Variants in SLC16A1 observed in about 807,000 individuals in gnomAD.
SLC16A1 encodes monocarboxylate transporter 1.
In SLC16A1, 11 loss-of-function variants were observed where a neutral mutation model predicts 32.2. That is an observed-to-expected ratio of 0.34 (90% CI 0.21 to 0.56). The LOEUF (loss-of-function observed/expected upper bound fraction) is 0.56, where lower values mean the gene tolerates loss of function less well. Among genes scored for constraint, SLC16A1 ranks in the 20% least tolerant of loss-of-function variants. SLC16A1 has a pLI of 0.87. For missense variants in SLC16A1, 435 were observed against 615.0 expected (o/e 0.71, Z 3.10); for synonymous variants, 231 against 226.8 (o/e 1.02, Z -0.17).
At chr1:112,930,767 C>T (rs558512992) in intron 1 of SLC16A1, among the ~76,000 whole-genome samples, 60 of 151,012 alleles carry the variant, frequency 4.0e-4, no homozygotes, top group Middle Eastern at 3.4e-3. Flanking sequence ...CTCTGTCGCC[C>T]GGGCTGGAGT....
At chr1:112,915,267 A>G (rs991402983) in intron 4 of SLC16A1, among the ~76,000 whole-genome samples, 3 of 152,190 alleles carry the variant, frequency 2.0e-5, no homozygotes, top group Non-Finnish European at 2.9e-5. Context: ...AGCTTTCCTT[A>G]AAGTGTCAAC....
intron 1 of SLC16A1, among the ~76,000 whole-genome samples, chr1:112,943,062 A>ATT (rs1649564848): frequency 6.6e-6 from 1 of 152,244 alleles, no homozygotes. Context: ...CCTTGTAAGA[A>ATT]AATGACTTAC....
At chr1:112,935,921 C>T (rs1649286926) in intron 1 of SLC16A1, 1 of 152,210 alleles carries the variant, frequency 6.6e-6, no homozygotes, top group African/African-American at 2.4e-5. Flanking sequence ...GCTATCTACT[C>T]TCTTACTCTC....
intron 2 of SLC16A1, among the ~76,000 whole-genome samples, chr1:112,927,327 G>A (rs1271134367): frequency 2.7e-5 from 4 of 149,018 alleles, no homozygotes; most frequent in Non-Finnish European, 5.9e-5. Flanking sequence ...CAAACCAAAA[G>A]TAGGCAGGTA....
At chr1:112,939,702 A>G (rs985002368) in intron 1 of SLC16A1, among the ~76,000 whole-genome samples, 2 of 152,010 alleles carry the variant, frequency 1.3e-5, no homozygotes, top group Admixed American at 6.6e-5. Context: ...AAGGGGTTTC[A>G]CCATGTTGGC....
intron 1 of SLC16A1, among the ~76,000 whole-genome samples, chr1:112,952,705 GT>G (rs1175609116): frequency 6.6e-6 from 1 of 152,096 alleles, no homozygotes; most frequent in Non-Finnish European, 1.5e-5. Flanking sequence ...AACTCTTTGT[GT>G]TTTGAAATTT....
Position 112,929,269 on chromosome 1 carries a change from G to T in SLC16A1, c.40C>A (p.Pro14Thr), listed in dbSNP as rs751574145. 10 of 1,614,032 alleles carry T rather than the reference G, an allele frequency of 6.2e-6. No homozygotes were observed. The highest frequency in any genetic ancestry group is 2.2e-5 in the South Asian group (2 of 91,076). ...ACTGCCCAGCCCCAGCCTCCATCTG[G>T]GGGGGTGTATCCAACTGGACCTCCA... ...AVGGPVGYTPPDGGWGWAVVI... is the reference protein window; with the variant it reads ...AVGGPVGYTPTDGGWGWAVVI... The change falls in exon 2 of 5, where the codon CCA (proline) becomes ACA (threonine). Residue 14 changes from proline (P) to threonine (T), a missense_variant. Coordinates refer to ENST00000369626, the MANE Select transcript of SLC16A1 (RefSeq NM_003051.4).
intron 1 of SLC16A1, among the ~76,000 whole-genome samples, chr1:112,931,133 G>A (rs769869557): frequency 6.6e-6 from 1 of 151,860 alleles, no homozygotes; most frequent in Non-Finnish European, 1.5e-5. Flanking sequence ...CTAGGAAGTG[G>A]GTGCCTGACT....
Position 112,917,035 on chromosome 1 carries a change from G to A in SLC16A1, c.1228+143C>T. On this transcript the variant is annotated intron_variant, in intron 4 of 4. Coordinates refer to ENST00000369626, the MANE Select transcript of SLC16A1 (RefSeq NM_003051.4). This position sits in a 1 kb window ranked among gnomAD's most constrained non-coding sequence, Gnocchi z 4.1. ...TATTTGAGCAATTATGCTGTGCCAA[G>A]CATTGTCCCAGCATCAAGGGTACAT... 1.9e-6 allele frequency: 2 copies of A among 1,031,032 alleles called. No individual in the cohort carries two copies. The highest frequency in any genetic ancestry group is 1.4e-5 in the South Asian group (1 of 73,122). The allele number at this position is 1,031,032 out of a possible 1,614,324, so 63.9% of individuals were successfully genotyped here.
At chr1:112,925,654 T>A (rs945307433) in intron 2 of SLC16A1, among the ~76,000 whole-genome samples, 2 of 151,906 alleles carry the variant, frequency 1.3e-5, no homozygotes, top group Non-Finnish European at 2.9e-5. Flanking sequence ...GCTGGGATTA[T>A]AGGTGTGAGC....
chr1:112,931,151 T>C (rs1294198356), intron 1 of SLC16A1, among the ~76,000 whole-genome samples: 2 of 152,160 alleles, frequency 1.3e-5, no homozygotes, highest in Non-Finnish European at 2.9e-5. Flanking sequence ...ACTCACTAGA[T>C]ATGTAGCAAT....
At chr1:112,928,839 T>C (rs1047980796) in intron 2 of SLC16A1, among the ~76,000 whole-genome samples, 6 of 152,206 alleles carry the variant, frequency 3.9e-5, no homozygotes, top group African/African-American at 1.4e-4. Context: ...TTAAACTCAA[T>C]GATACATCAG....
At chr1:112,952,705 G>C (rs1236903418) in intron 1 of SLC16A1, among the ~76,000 whole-genome samples, 1 of 152,096 alleles carries the variant, frequency 6.6e-6, no homozygotes, top group African/African-American at 2.4e-5. Flanking sequence ...AACTCTTTGT[G>C]TTTTGAAATT....
intron 1 of SLC16A1, among the ~76,000 whole-genome samples, chr1:112,930,624 AC>A: frequency 6.6e-6 from 1 of 152,340 alleles, no homozygotes; most frequent in South Asian, 2.1e-4. Flanking sequence ...AAATCAGTTA[AC>A]ATCATAATTC....
chr1:112,918,406 G>T (rs3849175), intron 3 of SLC16A1, among the ~76,000 whole-genome samples: 7,439 of 152,186 alleles, frequency 0.049, 612 homozygotes, highest in African/African-American at 0.17. Context: ...TTATTTGAAG[G>T]TGAATAACTA....
chr1:112,927,964 C>G (rs1648997659), intron 2 of SLC16A1, among the ~76,000 whole-genome samples: 1 of 152,030 alleles, frequency 6.6e-6, no homozygotes, highest in South Asian at 2.1e-4. Context: ...AAAATCCTGG[C>G]AGAATGGAGT....
At chr1:112,916,157 G>A (rs1360845636) in intron 4 of SLC16A1, among the ~76,000 whole-genome samples, 3 of 145,978 alleles carry the variant, frequency 2.1e-5, no homozygotes, top group Admixed American at 7.2e-5. Flanking sequence ...TTATACTACT[G>A]CTACTGAAAT....
chr1:112,952,228 A>G (rs913207461), intron 1 of SLC16A1, among the ~76,000 whole-genome samples: 2 of 152,226 alleles, frequency 1.3e-5, no homozygotes, highest in Non-Finnish European at 2.9e-5. Context: ...GATGAGAGAA[A>G]CCGGAGGAAA....
intron 2 of SLC16A1, among the ~76,000 whole-genome samples, chr1:112,928,224 C>T (rs571151672): frequency 1.3e-5 from 2 of 152,246 alleles, no homozygotes; most frequent in African/African-American, 4.8e-5. Context: ...TTCTTCTGGA[C>T]GATTTAATTA....
Sources: allele counts gnomAD v4.1 joint callset (sites outside exome capture counted in the v4.1 genomes callset), GRCh38; gene constraint gnomAD v4.1.1; non-coding constraint Gnocchi (gnomAD v3.1); transcripts MANE v1.5; gene names NCBI Gene and HGNC (gene_info 2026-07-23, HGNC 2026-07-21).